ATP8A2: variants seen among roughly 807,000 people sequenced by gnomAD.
ATP8A2 encodes phospholipid-transporting ATPase IB.
ATP8A2 carries 100 observed loss-of-function variants against 165.6 expected under a neutral mutation model. The observed-to-expected ratio is 0.60, with a 90% CI of 0.51 to 0.71. The LOEUF (loss-of-function observed/expected upper bound fraction) is 0.71. ATP8A2 is among the 30% of genes least tolerant of loss of function. The pLI is 0.00. For missense variants in ATP8A2, 1,227 were observed against 1,479.5 expected, an observed-to-expected ratio of 0.83 and a Z score of 2.80; for synonymous variants, 543 against 548.8, an observed-to-expected ratio of 0.99 and a Z score of 0.15.
At chr13:26,015,991 T>A (rs957579232) in intron 36 of ATP8A2, among the ~76,000 whole-genome samples, 4 of 152,240 alleles carry the variant, frequency 2.6e-5, no homozygotes, top group Admixed American at 2.0e-4. Flanking sequence ...GCAGGACTGG[T>A]TGAGGGGTGA....
At chr13:25,968,707 G>A (rs1269585423) in intron 35 of ATP8A2, 28 bp downstream of exon 35, 2 of 1,553,744 alleles carry the variant, frequency 1.3e-6, no homozygotes, top group Non-Finnish European at 1.8e-6. Context: ...AGTCCGCACA[G>A]AACACAGGTG....
intron 35 of ATP8A2, among the ~76,000 whole-genome samples, chr13:25,970,116 A>G (rs1428869028): frequency 6.6e-6 from 1 of 152,240 alleles, no homozygotes; most frequent in Non-Finnish European, 1.5e-5. Flanking sequence ...AGTAAGGACA[A>G]TAAGTTTATT....
At chr13:25,874,945 A>G (rs1952786384) in intron 33 of ATP8A2, among the ~76,000 whole-genome samples, 1 of 152,142 alleles carries the variant, frequency 6.6e-6, no homozygotes, top group African/African-American at 2.4e-5. Flanking sequence ...ACATTATGTA[A>G]AGTGAAATAT....
At chr13:25,493,578 C>T (rs142133518) in intron 2 of ATP8A2, among the ~76,000 whole-genome samples, 57 of 152,268 alleles carry the variant, frequency 3.7e-4, no homozygotes, top group African/African-American at 1.4e-3. Flanking sequence ...GTTGTCATCA[C>T]GTTGATCTTG....
At chr13:25,643,765 A>T (rs1387352460) in intron 24 of ATP8A2, among the ~76,000 whole-genome samples, 4 of 149,694 alleles carry the variant, frequency 2.7e-5, no homozygotes, top group Non-Finnish European at 3.0e-5. Flanking sequence ...GTTCCAGATG[A>T]ATTTTAGGAT....
At chr13:25,759,554 C>G (rs2044337152) in intron 25 of ATP8A2, among the ~76,000 whole-genome samples, 1 of 152,122 alleles carries the variant, frequency 6.6e-6, no homozygotes, top group Non-Finnish European at 1.5e-5. Context: ...CCAGACGCTC[C>G]TGAGAGGGTC....
Position 25,890,302 on chromosome 13 carries a change from C to T in ATP8A2, c.3183+27894C>T, listed in dbSNP as rs1377174972. Among the ~76,000 whole-genome samples the T allele has an allele frequency of 5.3e-5, 8 of 152,312 alleles. No homozygotes were observed. In the East Asian group the frequency reaches 1.3e-3, roughly 26 times the overall value. On this transcript the variant is annotated intron_variant, in intron 33 of 36. Coordinates refer to ENST00000381655, the MANE Select transcript of ATP8A2 (RefSeq NM_016529.6). ...TTTATAGTTGCTAACAACTCAGTTT[C>T]CTTTGAAAGTGGAGACAGATCTTTT...
At chr13:25,937,539 G>T (rs1470905300) in intron 33 of ATP8A2, among the ~76,000 whole-genome samples, 3 of 150,342 alleles carry the variant, frequency 2.0e-5, no homozygotes, top group African/African-American at 7.3e-5. Context: ...AATACCTCGG[G>T]GCCTTTAACA....
In ATP8A2 at chr13:25,979,547, T is replaced by C. The variant is rs576727981; in HGVS notation, c.3377+10868T>C. On this transcript the variant is annotated intron_variant, in intron 35 of 36. Transcript: ENST00000381655. ...TAGGATTGGCTCAAGGCCCCTTAGG[T>C]GGTGGTAATTGGGACTTCACAGTTA... Among the ~76,000 whole-genome samples the C allele has an allele frequency of 2.4e-4, 37 of 152,276 alleles. No individual in the cohort carries two copies. The South Asian group carries it at 7.3e-3, about 30-fold the overall frequency.
intron 24 of ATP8A2, among the ~76,000 whole-genome samples, chr13:25,591,939 C>CCATT (rs2040093094): frequency 1.3e-5 from 2 of 151,944 alleles, no homozygotes; most frequent in Non-Finnish European, 2.9e-5. Context: ...TTTTACATTT[C>CCATT]ACTTTTTGAG....
chr13:25,659,286 A>C (rs996288258), intron 24 of ATP8A2, among the ~76,000 whole-genome samples: 2 of 152,228 alleles, frequency 1.3e-5, no homozygotes, highest in African/African-American at 2.4e-5. Flanking sequence ...AGCAGGTTTC[A>C]ACCTGCTGTC....
At chr13:25,787,136 G>T (rs1286590389) in intron 27 of ATP8A2, among the ~76,000 whole-genome samples, 1 of 152,072 alleles carries the variant, frequency 6.6e-6, no homozygotes, top group East Asian at 1.9e-4. Context: ...CCAGGAAGTG[G>T]GCTTGCTTCC....
At chr13:25,720,171 T>C (rs965435997) in intron 25 of ATP8A2, among the ~76,000 whole-genome samples, 19 of 141,524 alleles carry the variant, frequency 1.3e-4, no homozygotes, top group East Asian at 8.0e-4. Flanking sequence ...CTTTTTCTTT[T>C]TTTTTTTTTT....
chr13:25,518,311 C>T (rs2037544904), intron 2 of ATP8A2, among the ~76,000 whole-genome samples: 2 of 152,174 alleles, frequency 1.3e-5, no homozygotes, highest in South Asian at 4.1e-4. Flanking sequence ...GCTTCCAGGA[C>T]ATGGGCATGG....
rs375676149 is a variant in ATP8A2, at chr13:25,425,851, C to T, written c.77-43126C>T. 1.6e-4 allele frequency among the ~76,000 whole-genome samples: 25 copies of T among 152,336 alleles called. No homozygotes were observed. In the East Asian group the frequency reaches 4.6e-3, roughly 28 times the overall value. On this transcript the variant is annotated intron_variant, in intron 1 of 36. Transcript: ENST00000381655. ...TCCGCCTCCCAGAGTGCTGGGATTACAGGCGTGAGCCACTGCGCCCGGCCA... is the reference window on the plus strand; with the variant it reads ...TCCGCCTCCCAGAGTGCTGGGATTATAGGCGTGAGCCACTGCGCCCGGCCA...
intron 33 of ATP8A2, among the ~76,000 whole-genome samples, chr13:25,952,592 C>G (rs9511986): frequency 0.21 from 32,014 of 152,050 alleles, 3,941 homozygotes; most frequent in African/African-American, 0.34. Flanking sequence ...TGGCTGATCT[C>G]AAACTCCTGA....
chr13:25,702,386 C>T (rs1253608621), intron 25 of ATP8A2, among the ~76,000 whole-genome samples: 1 of 152,136 alleles, frequency 6.6e-6, no homozygotes, highest in Admixed American at 6.5e-5. Context: ...AAACAATTTG[C>T]TAATTATGCA....
intron 25 of ATP8A2, among the ~76,000 whole-genome samples, chr13:25,755,907 C>CAA (rs111791831): frequency 2.7e-5 from 4 of 150,808 alleles, no homozygotes; most frequent in African/African-American, 9.8e-5. Context: ...GACTCCGTCT[C>CAA]AAAAAAAAAC....
At chr13:25,550,075 A>T (rs763563513) in intron 10 of ATP8A2, among the ~76,000 whole-genome samples, 1 of 152,104 alleles carries the variant, frequency 6.6e-6, no homozygotes, top group Admixed American at 6.5e-5. Context: ...GAGGCCGAGG[A>T]GGGTGGATCA....
Sources: gnomAD v4.1 joint callset for allele counts (sites outside exome capture counted in the v4.1 genomes callset) on GRCh38, gnomAD v4.1.1 for gene constraint, MANE v1.5 for transcripts, NCBI Gene and HGNC (gene_info 2026-07-23, HGNC 2026-07-21) for gene names.